SUGT1: variants seen among roughly 807,000 people sequenced by gnomAD.
The protein encoded by SUGT1 is SGT1 assembly cochaperone of MIS12 kinetochore complex, also known as protein SGT1 homolog.
Under a neutral mutation model 56.1 loss-of-function variants are expected in SUGT1, and 15 were observed. The ratio of observed to expected loss-of-function variants is 0.27; its 90% CI spans 0.18 to 0.41. SUGT1 has a LOEUF of 0.41. Among genes scored for constraint, SUGT1 ranks in the 10% least tolerant of loss-of-function variants. The pLI, the probability that SUGT1 is intolerant of heterozygous loss-of-function variation, is 1.00. For missense variants in SUGT1, 347 were observed against 382.2 expected (o/e 0.91, Z 0.77); for synonymous variants, 123 against 128.6 (o/e 0.96, Z 0.30).
At chr13:52,682,669 G>T (rs372558099) in intron 12 of SUGT1, among the ~76,000 whole-genome samples, 2 of 152,154 alleles carry the variant, frequency 1.3e-5, no homozygotes, top group Non-Finnish European at 2.9e-5. Flanking sequence ...GAGCGTATTT[G>T]TGTGAGTCTA....
intron 12 of SUGT1, 112 bp downstream of exon 12, chr13:52,680,267 T>C: frequency 2.1e-6 from 2 of 971,762 alleles, no homozygotes; most frequent in Non-Finnish European, 3.0e-6. Flanking sequence ...GAGAACTTTT[T>C]GAATAAGGTC....
At chr13:52,664,973 A>C (rs1016603676) in intron 8 of SUGT1, among the ~76,000 whole-genome samples, 1 of 152,192 alleles carries the variant, frequency 6.6e-6, no homozygotes, top group African/African-American at 2.4e-5. Context: ...GAGGATTCCT[A>C]CGTTTCTAGA....
rs549329144 is a variant in SUGT1 at position 52,675,447 on chromosome 13, C to T, written c.628-783C>T. On this transcript the variant is annotated intron_variant, in intron 10 of 12. Transcript: ENST00000310528. The stretch of plus-strand genomic sequence containing the variant: ...AAAACATTAGCCAGGAGTGGTGGCA[C>T]TTGTCTGTAGTCCCAGCTACTTGGG... Among the ~76,000 whole-genome samples, 4 of 152,092 alleles carry T rather than the reference C, an allele frequency of 2.6e-5. No homozygotes were observed. In the East Asian group the frequency reaches 7.8e-4, roughly 30 times the overall value.
At chr13:52,677,588 A>G (rs1168427508) in intron 11 of SUGT1, among the ~76,000 whole-genome samples, 1 of 152,220 alleles carries the variant, frequency 6.6e-6, no homozygotes, top group East Asian at 1.9e-4. Flanking sequence ...CATAACAGGC[A>G]GCCCCTTAGT....
At chr13:52,682,994 T>C (rs1055023448) in intron 12 of SUGT1, among the ~76,000 whole-genome samples, 1 of 152,176 alleles carries the variant, frequency 6.6e-6, no homozygotes, top group Non-Finnish European at 1.5e-5. Context: ...TTGGATAGAT[T>C]GTCATTTTTT....
At position 52,694,271 on chromosome 13, in the gene SUGT1, AG is replaced by A. The variant is rs1351356673; in HGVS notation, c.*6437del. On this transcript the variant is annotated 3_prime_UTR_variant, in exon 13 of 13. Coordinates refer to ENST00000310528, the MANE Select transcript of SUGT1 (RefSeq NM_006704.5). ...TCCTAGGCTGGAAGGTGGAAATCCTAGAGAAGATTTTTTTGTGTTGTAAGTT... is the reference window on the plus strand; with the variant it reads ...TCCTAGGCTGGAAGGTGGAAATCCTAAGAAGATTTTTTTGTGTTGTAAGTT... 6.6e-6 allele frequency: 1 copy of A among 152,196 alleles called. No individual in the cohort carries two copies. The highest frequency in any genetic ancestry group is 1.5e-5 in the Non-Finnish European group (1 of 68,034). The allele number at this position is 152,196 out of a possible 1,614,324, so 9.4% of individuals were successfully genotyped here. A position where few individuals can be genotyped will look rare whatever the true frequency, so the allele number is the denominator to read the frequency against.
chr13:52,671,304 ATATT>A (rs1273615438), intron 10 of SUGT1, among the ~76,000 whole-genome samples: 2 of 71,444 alleles, frequency 2.8e-5, no homozygotes, highest in East Asian at 4.2e-4. Context: ...TTTGTAATGT[ATATT>A]TATATATTTT....
intron 5 of SUGT1, among the ~76,000 whole-genome samples, chr13:52,662,136 A>ATGCT (rs926567728): frequency 1.3e-5 from 2 of 152,210 alleles, no homozygotes; most frequent in Admixed American, 6.5e-5. Flanking sequence ...GAATTTAAAG[A>ATGCT]TGCTTGGTGT....
At position 52,680,129 on chromosome 13, in the gene SUGT1, G is replaced by A; in HGVS notation, c.874G>A (p.Val292Met). The change falls in exon 12 of 13, where the codon GTG (valine) becomes ATG (methionine). Residue 292 changes from valine to methionine, a missense_variant. Transcript: ENST00000310528. ...QQIYSDGSDE[V>M]KRAMNKSFME... ...GATCTATTCAGATGGTTCTGATGAA[G>A]TGAAACGTGCCATGAACAAATCCTT... 4 of 1,585,848 alleles carry A rather than the reference G, an allele frequency of 2.5e-6. No homozygotes were observed. The highest frequency in any genetic ancestry group is 3.4e-6 in the Non-Finnish European group (4 of 1,171,588).
rs1023440874 is a variant in SUGT1, at chr13:52,691,882, G to A, written c.*4047G>A. On this transcript the variant is annotated 3_prime_UTR_variant, in exon 13 of 13. Transcript: ENST00000310528. ...TCTCCATCTGTGCATTTTTTAAATC[G>A]TAAGATCATTTTACACACACCAAGA... The A allele has an allele frequency of 6.6e-5, 10 of 151,978 alleles. No individual in the cohort carries two copies. The highest frequency in any genetic ancestry group is 9.7e-5 in the African/African-American group (4 of 41,364). The allele number at this position is 151,978 out of a possible 1,614,324, so 9.4% of individuals were successfully genotyped here.
intron 11 of SUGT1, among the ~76,000 whole-genome samples, chr13:52,679,751 C>T (rs1291783562): frequency 1.3e-5 from 2 of 152,074 alleles, no homozygotes; most frequent in African/African-American, 2.4e-5. Flanking sequence ...TTATTTTGCT[C>T]AAAAGAAATC....
At chr13:52,654,757 AAGT>A (rs770360569) in intron 2 of SUGT1, among the ~76,000 whole-genome samples, 23 of 152,234 alleles carry the variant, frequency 1.5e-4, no homozygotes, top group African/African-American at 5.3e-4. Flanking sequence ...ATATTGTGTG[AAGT>A]AGTAGTTCTT....
chr13:52,657,695 AGTT>A, intron 3 of SUGT1, 73 bp downstream of exon 3: 2 of 1,407,454 alleles, frequency 1.4e-6, no homozygotes, highest in Non-Finnish European at 1.9e-6. Flanking sequence ...ACAAATTAAA[AGTT>A]GTCTTTGAGA....
intron 10 of SUGT1, among the ~76,000 whole-genome samples, chr13:52,672,350 G>A (rs1232018930): frequency 6.6e-6 from 1 of 152,146 alleles, no homozygotes; most frequent in Non-Finnish European, 1.5e-5. Flanking sequence ...GTGTCCTTAT[G>A]TACCAGCACT....
Position 52,664,074 on chromosome 13 carries a change from C to T in SUGT1, c.422+17C>T. ...AAAAATCAAGTGAGTGTTTCTTTTT[C>T]ATAAAACAATGCATGATAAATATGC... On this transcript the variant is annotated intron_variant, in intron 8 of 12. Transcript: ENST00000310528. 1 of 1,611,352 alleles carries T rather than the reference C, an allele frequency of 6.2e-7. No individual in the cohort carries two copies. Among genetic ancestry groups the T allele is most frequent in the South Asian group, 1.1e-5 (1 of 90,862 alleles).
In SUGT1 at chr13:52,658,380, C is replaced by T. The variant is rs1451238880; in HGVS notation, c.188-19C>T. On this transcript the variant is annotated intron_variant, in intron 3 of 12. Coordinates refer to ENST00000310528, the MANE Select transcript of SUGT1 (RefSeq NM_006704.5). ...GGATCTATAAATAACTGACTAAAAA[C>T]CCGTCTTTTTCTACACAGTTGCTGT... 1 of 1,609,198 alleles carries T rather than the reference C, an allele frequency of 6.2e-7. No homozygotes were observed. Among genetic ancestry groups the T allele is most frequent in the Non-Finnish European group, 8.5e-7 (1 of 1,178,744 alleles).
rs1222253335 is a variant in SUGT1 at position 52,687,751 on chromosome 13, A to T, written c.918A>T (p.Thr306=). The part of the protein sequence containing the change: ...MNKSFMESGG[T]VLSTNWSDVG... ...CATTGCAGATGGAGTCGGGTGGTAC[A>T]GTTTTGAGTACCAACTGGTCTGATG... is the stretch of plus-strand genomic sequence containing the variant. The change falls in exon 13 of 13, where the codon ACA becomes ACT. Residue 306 remains threonine, a synonymous_variant. Coordinates refer to ENST00000310528, the MANE Select transcript of SUGT1 (RefSeq NM_006704.5). 6.3e-7 allele frequency: 1 copy of T among 1,598,816 alleles called. No homozygotes were observed. Among genetic ancestry groups the T allele is most frequent in the African/African-American group, 1.3e-5 (1 of 74,258 alleles).
At chr13:52,676,685 C>G (rs952259473) in intron 11 of SUGT1, among the ~76,000 whole-genome samples, 4 of 152,170 alleles carry the variant, frequency 2.6e-5, no homozygotes, top group African/African-American at 9.7e-5. Flanking sequence ...CTTCCCTCTC[C>G]CTTTCTTAAT....
chr13:52,672,314 T>A (rs1038494432), intron 10 of SUGT1, among the ~76,000 whole-genome samples: 7 of 151,426 alleles, frequency 4.6e-5, no homozygotes, highest in African/African-American at 9.8e-5. Flanking sequence ...CTCTCCTGAT[T>A]AATTACTTTA....
Sources: allele counts gnomAD v4.1 joint callset (sites outside exome capture counted in the v4.1 genomes callset), GRCh38; gene constraint gnomAD v4.1.1; transcripts MANE v1.5; gene names NCBI Gene and HGNC (gene_info 2026-07-23, HGNC 2026-07-21).